Variants in SGCZ observed in about 807,000 individuals in gnomAD.
The protein encoded by SGCZ is sarcoglycan zeta, also known as zeta-sarcoglycan.
SGCZ carries 40 observed loss-of-function variants against 41.3 expected under a neutral mutation model. That is an observed-to-expected ratio of 0.97 (90% confidence interval 0.75 to 1.26). The LOEUF (loss-of-function observed/expected upper bound fraction) is 1.26, where lower values mean the gene tolerates loss of function less well. Among genes scored for constraint, SGCZ ranks in the 50% most tolerant of loss-of-function variants. SGCZ has a pLI of 0.00. For synonymous variants in SGCZ, 206 were observed against 137.5 expected, an observed-to-expected ratio of 1.50 and a Z score of -3.49; for missense variants, 552 against 369.8, an observed-to-expected ratio of 1.49 and a Z score of -4.04.
At chr8:14,472,091 T>C (rs1437729257) in intron 2 of SGCZ, among the ~76,000 whole-genome samples, 1 of 152,130 alleles carries the variant, frequency 6.6e-6, no homozygotes, top group Non-Finnish European at 1.5e-5. Context: ...TTTGCTTCTC[T>C]GGTTTTTGCA....
At chr8:14,112,880 C>G (rs770114605) in intron 5 of SGCZ, among the ~76,000 whole-genome samples, 12 of 151,792 alleles carry the variant, frequency 7.9e-5, no homozygotes, top group Non-Finnish European at 1.5e-4. Context: ...TCCAGATCAA[C>G]AGAAAATAAA....
At chr8:15,209,427 T>C (rs1377407334) in intron 1 of SGCZ, among the ~76,000 whole-genome samples, 1 of 151,750 alleles carries the variant, frequency 6.6e-6, no homozygotes, top group African/African-American at 2.4e-5. Flanking sequence ...TTTCATTTAT[T>C]TTTATGGCCA....
intron 3 of SGCZ, among the ~76,000 whole-genome samples, chr8:14,243,065 T>G (rs901251658): frequency 4.6e-5 from 7 of 152,208 alleles, no homozygotes; most frequent in African/African-American, 7.2e-5. Context: ...TTTTGTCTCC[T>G]CAGATTCCAA....
chr8:14,831,515 T>G (rs1802525709), intron 1 of SGCZ, among the ~76,000 whole-genome samples: 2 of 152,168 alleles, frequency 1.3e-5, no homozygotes, highest in Non-Finnish European at 2.9e-5. Context: ...AACTTCAGTC[T>G]ACTACTTATT....
At chr8:14,374,752 G>C (rs192898693) in intron 2 of SGCZ, among the ~76,000 whole-genome samples, 7 of 152,238 alleles carry the variant, frequency 4.6e-5, no homozygotes, top group Admixed American at 3.9e-4. Context: ...TTGGAAACGA[G>C]AGAAGGATAA....
At chr8:15,094,141 A>T (rs898249264) in intron 1 of SGCZ, among the ~76,000 whole-genome samples, 41 of 148,774 alleles carry the variant, frequency 2.8e-4, no homozygotes, top group Admixed American at 1.1e-3. Flanking sequence ...TTTTTTTTAA[A>T]TTTTTTTTTT....
At chr8:14,234,090 A>T (rs1163670106) in intron 4 of SGCZ, among the ~76,000 whole-genome samples, 2 of 152,094 alleles carry the variant, frequency 1.3e-5, no homozygotes, top group African/African-American at 4.8e-5. Context: ...GGTCAAATTC[A>T]TAAAGCCTGG....
chr8:14,419,221 G>C (rs927553062), intron 2 of SGCZ, among the ~76,000 whole-genome samples: 3 of 151,798 alleles, frequency 2.0e-5, no homozygotes, highest in Admixed American at 1.3e-4. Context: ...TGAAAGTTAG[G>C]CAAGTTAGCT....
At chr8:14,405,192 G>C (rs1040627586) in intron 2 of SGCZ, among the ~76,000 whole-genome samples, 2 of 152,244 alleles carry the variant, frequency 1.3e-5, no homozygotes, top group Middle Eastern at 3.4e-3. Flanking sequence ...TGAGTTCCCC[G>C]TGTTAAATCA....
chr8:14,941,629 T>A (rs1431379924), intron 1 of SGCZ, among the ~76,000 whole-genome samples: 1 of 152,038 alleles, frequency 6.6e-6, no homozygotes, highest in Admixed American at 6.6e-5. Context: ...TGCTGGATGT[T>A]AACTCTTTTT....
intron 5 of SGCZ, among the ~76,000 whole-genome samples, chr8:14,151,317 T>A (rs911053207): frequency 6.6e-6 from 1 of 151,748 alleles, no homozygotes; most frequent in South Asian, 2.1e-4. Context: ...GCCAAAGAAA[T>A]TAAAAATTAA....
At chr8:14,528,827 C>CAAAAAAAAAAAAAAAAA (rs760788606) in intron 2 of SGCZ, among the ~76,000 whole-genome samples, 2 of 52,704 alleles carry the variant, frequency 3.8e-5, no homozygotes, top group African/African-American at 1.1e-4. Flanking sequence ...ACGGACCAGC[C>CAAAAAAAAAAAAAAAAA]AAAAAAAAAA....
At chr8:15,061,770 G>A (rs117850317) in intron 1 of SGCZ, among the ~76,000 whole-genome samples, 425 of 152,150 alleles carry the variant, frequency 2.8e-3, no homozygotes, top group Middle Eastern at 0.01. Flanking sequence ...CCAAAAGTGA[G>A]ACAGATAAAT....
intron 3 of SGCZ, among the ~76,000 whole-genome samples, chr8:14,241,875 T>A (rs1334625549): frequency 6.6e-6 from 1 of 152,180 alleles, no homozygotes; most frequent in African/African-American, 2.4e-5. Flanking sequence ...CATTTTAATA[T>A]TTTTTTCTGA....
At chr8:15,021,541 G>A (rs975462651) in intron 1 of SGCZ, among the ~76,000 whole-genome samples, 2 of 152,218 alleles carry the variant, frequency 1.3e-5, no homozygotes. Context: ...TGGCACAACA[G>A]GATAGAAATT....
At chr8:15,123,522 G>A (rs527322537) in intron 1 of SGCZ, among the ~76,000 whole-genome samples, 10 of 152,156 alleles carry the variant, frequency 6.6e-5, no homozygotes, top group Non-Finnish European at 1.2e-4. Context: ...TCATTTTACA[G>A]TTGAGGAAAT....
chr8:14,927,351 C>T (rs1217171243), intron 1 of SGCZ, among the ~76,000 whole-genome samples: 5 of 152,078 alleles, frequency 3.3e-5, no homozygotes, highest in East Asian at 3.9e-4. Flanking sequence ...CCTTGTGATC[C>T]GCCCGCCTCG....
chr8:14,121,013 G>A (rs1470825577), intron 5 of SGCZ, among the ~76,000 whole-genome samples: 1 of 152,054 alleles, frequency 6.6e-6, no homozygotes, highest in Non-Finnish European at 1.5e-5. Flanking sequence ...AGATTTTCCT[G>A]TCCAGATAAC....
At chr8:15,160,957 G>C (rs1259220940) in intron 1 of SGCZ, among the ~76,000 whole-genome samples, 1 of 151,830 alleles carries the variant, frequency 6.6e-6, no homozygotes, top group Non-Finnish European at 1.5e-5. Context: ...GTGTGCAGTG[G>C]TGTGAGCTCA....
Sources: allele counts gnomAD v4.1 joint callset (sites outside exome capture counted in the v4.1 genomes callset), GRCh38; gene constraint gnomAD v4.1.1; transcripts MANE v1.5; gene names NCBI Gene and HGNC (gene_info 2026-07-23, HGNC 2026-07-21).